The following ZNF318 variants were observed in gnomAD, a reference collection of about 807,000 sequenced individuals.
ZNF318 encodes endocrine regulator.
Under a neutral mutation model 124.2 loss-of-function variants are expected in ZNF318, and 51 were observed. The ratio of observed to expected loss-of-function variants is 0.41; its 90% CI spans 0.33 to 0.52. ZNF318 has a LOEUF of 0.52. Ranked by LOEUF, ZNF318 falls within the 20% of genes least tolerant of loss-of-function variation. The probability of loss-of-function intolerance (pLI) is 0.23; values close to 1 mark genes in which losing one functional copy is unlikely to be tolerated. For missense variants in ZNF318, 2,815 were observed against 2,811.2 expected, an observed-to-expected ratio of 1.00 and a Z score of -0.03; for synonymous variants, 1,090 against 1,040.7, an observed-to-expected ratio of 1.05 and a Z score of -0.91.
At chr6:43,363,627 TA>T in intron 2 of ZNF318, 1 of 460,180 alleles carries the variant, frequency 2.2e-6, no homozygotes, top group Non-Finnish European at 3.9e-6. Flanking sequence ...GCTGCTTGGT[TA>T]AGGACATAAA....
rs181384154 is a variant in ZNF318, at chr6:43,366,322, T to C, written c.400-882A>G. ...AGGAAAAGATAGGCAGAAAGCACAG[T>C]TGGGAAATTTGGATTTTATTCTTAG... On this transcript the variant is annotated intron_variant, in intron 1 of 9. Coordinates refer to ENST00000361428, the MANE Select transcript of ZNF318 (RefSeq NM_014345.3). 3.9e-5 allele frequency among the ~76,000 whole-genome samples: 6 copies of C among 152,276 alleles called. No individual in the cohort carries two copies. In the East Asian group the frequency reaches 7.7e-4, roughly 20 times the overall value.
intron 7 of ZNF318, 70 bp from the exon 8 acceptor site, chr6:43,342,281 T>C (rs1779381770): frequency 2.3e-6 from 3 of 1,308,318 alleles, no homozygotes; most frequent in South Asian, 1.4e-5. Flanking sequence ...TCTCTTTTTT[T>C]TCCCCCATAA....
intron 4 of ZNF318, among the ~76,000 whole-genome samples, chr6:43,353,008 TG>T (rs1779553486): frequency 6.6e-6 from 1 of 152,230 alleles, no homozygotes; most frequent in South Asian, 2.1e-4. Context: ...CTAAAGCTCA[TG>T]ATCTTTCAAC....
chr6:43,354,843 T>C lies in ZNF318; in HGVS notation c.2491A>G (p.Ser831Gly). The C allele has an allele frequency of 6.2e-7, 1 of 1,614,212 alleles. No individual in the cohort carries two copies. Among genetic ancestry groups the C allele is most frequent in the Non-Finnish European group, 8.5e-7 (1 of 1,180,034 alleles). ...GGGATCACACGAAGATTGGGACGGC[T>C]ACGAGTAGCTTGTTTGGTTATTGGC... ...IMPITKQATR[S>G]RPNLRVIPTV... is the part of the protein sequence containing the mutation. Residue 831 changes from serine (S) to glycine (G), a missense_variant, in exon 4 of 10, where the codon AGC becomes GGC. This residue lies in a region of ZNF318 where 1,377 missense variants were observed against 1,353.5 expected (regional missense o/e 1.02). Coordinates refer to ENST00000361428, the MANE Select transcript of ZNF318 (RefSeq NM_014345.3).
At position 43,365,360 on chromosome 6, in the gene ZNF318, G is replaced by A; in HGVS notation, c.480C>T (p.Ser160=). ...ITVGNDHFCV[S]TPERRRLSDR... ...CACTAAGCCGTCGCCGTTCTGGTGTGCTAACACAGAAGTGGTCATTGCCAA... is the reference window on the plus strand; with the variant it reads ...CACTAAGCCGTCGCCGTTCTGGTGTACTAACACAGAAGTGGTCATTGCCAA... The change falls in exon 2 of 10, where the codon AGC becomes AGT. Residue 160 remains serine, a synonymous_variant. Coordinates refer to ENST00000361428, the MANE Select transcript of ZNF318 (RefSeq NM_014345.3). The A allele has an allele frequency of 6.2e-7, 1 of 1,614,188 alleles. No homozygotes were observed. The highest frequency in any genetic ancestry group is 8.5e-7 in the Non-Finnish European group (1 of 1,180,036).
chr6:43,349,220 G>C (rs1314318922), intron 5 of ZNF318, among the ~76,000 whole-genome samples: 1 of 152,076 alleles, frequency 6.6e-6, no homozygotes. Flanking sequence ...ATAATTTTGT[G>C]TGTGTCTCTC....
In ZNF318 at chr6:43,338,645, C is replaced by T. The variant is rs779578227; in HGVS notation, c.5353G>A (p.Val1785Ile). 2.5e-6 allele frequency: 4 copies of T among 1,614,182 alleles called. No homozygotes were observed. Among genetic ancestry groups the T allele is most frequent in the Non-Finnish European group, 3.4e-6 (4 of 1,180,040 alleles). The change falls in exon 10 of 10, where the codon GTA (valine) becomes ATA (isoleucine). Residue 1785 changes from valine (V) to isoleucine (I), a missense_variant. By Grantham distance (29) the Val-to-Ile change is conservative (BLOSUM62 3). Coordinates refer to ENST00000361428, the MANE Select transcript of ZNF318 (RefSeq NM_014345.3). ...IETNTELKER[V>I]KELSEGIVDE... ...ACTATCCCCTCAGACAGCTCCTTTA[C>T]CCTTTCTTTTAGTTCAGTGTTTGTC...
In ZNF318 at chr6:43,359,493, G is replaced by T. The variant is rs182605775; in HGVS notation, c.549-1728C>A. On this transcript the variant is annotated intron_variant, in intron 2 of 9. Coordinates refer to ENST00000361428, the MANE Select transcript of ZNF318 (RefSeq NM_014345.3). ...ATGTATGAAAACTTCTAAGTACTCTGAATAAAAAATAAAAGTTCTTACATG... is the reference window on the plus strand; with the variant it reads ...ATGTATGAAAACTTCTAAGTACTCTTAATAAAAAATAAAAGTTCTTACATG... Among the ~76,000 whole-genome samples the T allele has an allele frequency of 1.1e-3, 173 of 152,234 alleles. 3 individuals carry two copies. The highest frequency in any genetic ancestry group is 2.2e-4 in the Non-Finnish European group (15 of 68,008).
chr6:43,342,147 A>G lies in ZNF318; in HGVS notation c.3341T>C (p.Ile1114Thr), dbSNP rs752670251. ...KTQSEAKQDA[I>T]KRTDKITVPA... is the part of the protein sequence containing the mutation. ...AACAGTTATCTTGTCAGTGCGCTTT[A>G]TGGCATCTTGCTTGGCCTCACTCTG... Residue 1114 changes from isoleucine (I) to threonine (T), a missense_variant, in exon 8 of 10, where the codon ATA becomes ACA. Coordinates refer to ENST00000361428, the MANE Select transcript of ZNF318 (RefSeq NM_014345.3). 9.3e-6 allele frequency: 15 copies of G among 1,613,984 alleles called. No homozygotes were observed. The highest frequency in any genetic ancestry group is 1.0e-5 in the Non-Finnish European group (12 of 1,179,974).
At position 43,338,286 on chromosome 6, in the gene ZNF318, T is replaced by TA; in HGVS notation, c.5711dup (p.Leu1904PhefsTer4). The TA allele has an allele frequency of 6.2e-7, 1 of 1,614,198 alleles. No individual in the cohort carries two copies. The highest frequency in any genetic ancestry group is 8.5e-7 in the Non-Finnish European group (1 of 1,180,026). ...CTCCTTGCTCTTGTGGACTACCTGT[T>TA]AAACACATAGCTGATCTGGCTGGGG... On this transcript the variant is annotated frameshift_variant, in exon 10 of 10. Coordinates refer to ENST00000361428, the MANE Select transcript of ZNF318 (RefSeq NM_014345.3). LOFTEE classifies it low-confidence loss of function (END_TRUNC).
rs1779600513 is a variant in ZNF318, at chr6:43,355,788, C to G, written c.1546G>C (p.Asp516His). Residue 516 changes from aspartate (D) to histidine (H), a missense_variant, in exon 4 of 10, where the codon GAT becomes CAT. This residue lies in a region of ZNF318 where 1,377 missense variants were observed against 1,353.5 expected (regional missense o/e 1.02). Transcript: ENST00000361428. ...CTTTTTTCCTGTGTACTGGTAGAAT[C>G]AGCCAACATGCTCAGAATGCGGGAA... ...GFSRILSMLA[D>H]STSTQEKRRR... 1 of 1,614,250 alleles carries G rather than the reference C, an allele frequency of 6.2e-7. No homozygotes were observed. The highest frequency in any genetic ancestry group is 1.1e-5 in the South Asian group (1 of 91,090).
At chr6:43,365,484 C>T (rs1410551046) in intron 1 of ZNF318, 44 bp from the exon 2 acceptor site, 1 of 1,577,472 alleles carries the variant, frequency 6.3e-7, no homozygotes, top group African/African-American at 1.3e-5. Flanking sequence ...AGGGTCAAGA[C>T]ATCCCTACAT....
chr6:43,339,588 A>G lies in ZNF318; in HGVS notation c.4410T>C (p.Asn1470=), dbSNP rs371418556. Residue 1470 remains asparagine, a synonymous_variant, in exon 10 of 10, where the codon AAT becomes AAC. Coordinates refer to ENST00000361428, the MANE Select transcript of ZNF318 (RefSeq NM_014345.3). This position sits in a 1 kb window ranked among gnomAD's most constrained non-coding sequence, Gnocchi z 4.2. ...TTGATTTTACTGGAGCCAAGATAGCATTTGCTTGAGCAGCAGACGGGGCAG... is the reference window on the plus strand; with the variant it reads ...TTGATTTTACTGGAGCCAAGATAGCGTTTGCTTGAGCAGCAGACGGGGCAG... ...HPAAPSAAQA[N]AILAPVKSNP... is the part of the protein sequence containing the mutation. The G allele has an allele frequency of 3.7e-6, 5 of 1,351,666 alleles. No homozygotes were observed. The highest frequency in any genetic ancestry group is 2.0e-5 in the Admixed American group (1 of 48,940). 83.7% of individuals were successfully genotyped at this position (1,351,666 alleles called of 1,614,324 possible). A position where few individuals can be genotyped will look rare whatever the true frequency, so the allele number is the denominator to read the frequency against.
At chr6:43,366,210 C>T (rs975933594) in intron 1 of ZNF318, among the ~76,000 whole-genome samples, 5 of 149,852 alleles carry the variant, frequency 3.3e-5, no homozygotes, top group Non-Finnish European at 7.4e-5. Context: ...ATGTTTCAGG[C>T]AAAGAAAAGA....
intron 2 of ZNF318, among the ~76,000 whole-genome samples, chr6:43,358,622 C>T (rs781730823): frequency 6.6e-6 from 1 of 151,952 alleles, no homozygotes; most frequent in Non-Finnish European, 1.5e-5. Flanking sequence ...GGCATGATCT[C>T]GGCTGACTGC....
chr6:43,364,453 GC>G (rs1199563717), intron 2 of ZNF318, among the ~76,000 whole-genome samples: 2 of 151,562 alleles, frequency 1.3e-5, no homozygotes, highest in Admixed American at 1.3e-4. Context: ...TCCCCCACCC[GC>G]CTAGCTATGC....
chr6:43,339,113 G>T lies in ZNF318; in HGVS notation c.4885C>A (p.Gln1629Lys). The T allele has an allele frequency of 6.2e-7, 1 of 1,614,146 alleles. No individual in the cohort carries two copies. The highest frequency in any genetic ancestry group is 2.2e-5 in the East Asian group (1 of 44,876). The change falls in exon 10 of 10, where the codon CAA (glutamine) becomes AAA (lysine). Residue 1629 changes from glutamine (Q) to lysine (K), a missense_variant. Coordinates refer to ENST00000361428, the MANE Select transcript of ZNF318 (RefSeq NM_014345.3). The surrounding 1 kb of genome is among the most constrained non-coding windows in gnomAD (Gnocchi z 4.2). Reference protein sequence around the residue: ...NSSASQEELHQDEGLVAAPIV... With the variant: ...NSSASQEELHKDEGLVAAPIV... ...GGAGCAGCGACCAAACCCTCATCTT[G>T]ATGCAACTCCTCTTGGGATGCACTG...
chr6:43,367,645 G>A (rs552057672), intron 1 of ZNF318, among the ~76,000 whole-genome samples: 3 of 152,352 alleles, frequency 2.0e-5, no homozygotes, highest in South Asian at 2.1e-4. Flanking sequence ...TACTCAGACA[G>A]AAAAGACTGG....
Position 43,336,399 on chromosome 6 carries a change from A to G in ZNF318, c.*759T>C, listed in dbSNP as rs575983469. 2.0e-5 allele frequency: 3 copies of G among 152,534 alleles called. No homozygotes were observed. Among genetic ancestry groups the G allele is most frequent in the Admixed American group, 1.3e-4 (2 of 15,306 alleles). The allele number at this position is 152,534 out of a possible 1,614,324, so 9.4% of individuals were successfully genotyped here. A position where few individuals can be genotyped will look rare whatever the true frequency, so the allele number is the denominator to read the frequency against. On this transcript the variant is annotated 3_prime_UTR_variant, in exon 10 of 10. Coordinates refer to ENST00000361428, the MANE Select transcript of ZNF318 (RefSeq NM_014345.3). Reference sequence around the variant, plus strand: ...CAAAAATAAAAGTGATCTCAAAAGCATATCTGCTCCTGGCAATGAACCATG... The same window carrying G: ...CAAAAATAAAAGTGATCTCAAAAGCGTATCTGCTCCTGGCAATGAACCATG...
Sources: allele counts gnomAD v4.1 joint callset (sites outside exome capture counted in the v4.1 genomes callset), GRCh38; gene constraint gnomAD v4.1.1; regional missense constraint gnomAD v4.1.1; non-coding constraint Gnocchi (gnomAD v3.1); transcripts MANE v1.5; gene names NCBI Gene and HGNC (gene_info 2026-07-23, HGNC 2026-07-21).